Variants in LRBA observed in about 807,000 individuals in gnomAD.
LRBA encodes LPS responsive beige-like anchor protein, also known as lipopolysaccharide-responsive and beige-like anchor protein.
A neutral mutation model predicts 330.0 loss-of-function variants in LRBA; 176 were observed. The observed-to-expected ratio is 0.53, with a 90% CI of 0.47 to 0.60. The LOEUF (loss-of-function observed/expected upper bound fraction) is 0.60. Ranked by LOEUF, LRBA falls within the 20% of genes least tolerant of loss-of-function variation. The probability of loss-of-function intolerance (pLI) is 0.00; values close to 1 mark genes in which losing one functional copy is unlikely to be tolerated. For synonymous variants in LRBA, 1,230 were observed against 1,193.0 expected, an observed-to-expected ratio of 1.03 and a Z score of -0.64; for missense variants, 3,259 against 3,444.8, an observed-to-expected ratio of 0.95 and a Z score of 1.35.
At chr4:150,502,863 G>A (rs376832313) in intron 40 of LRBA, among the ~76,000 whole-genome samples, 17 of 152,350 alleles carry the variant, frequency 1.1e-4, no homozygotes, top group African/African-American at 3.1e-4. Context: ...CTAATACTGC[G>A]CTTTCCCAAC....
intron 47 of LRBA, among the ~76,000 whole-genome samples, chr4:150,406,320 T>C (rs145732823): frequency 6.6e-6 from 1 of 152,292 alleles, no homozygotes; most frequent in East Asian, 1.9e-4. Flanking sequence ...GATTATGCTA[T>C]TGGATGCTAT....
intron 40 of LRBA, among the ~76,000 whole-genome samples, chr4:150,563,567 T>C (rs1344000362): frequency 6.6e-6 from 1 of 152,160 alleles, no homozygotes; most frequent in Non-Finnish European, 1.5e-5. Flanking sequence ...TAAAGCGTAT[T>C]CGAATAGGAA....
At chr4:150,672,863 T>C (rs1041336491) in intron 37 of LRBA, among the ~76,000 whole-genome samples, 3 of 152,202 alleles carry the variant, frequency 2.0e-5, no homozygotes, top group Non-Finnish European at 4.4e-5. Context: ...CAGTAATTCT[T>C]AGTTCCATAA....
At chr4:150,530,306 G>A (rs1031346037) in intron 40 of LRBA, among the ~76,000 whole-genome samples, 2 of 152,136 alleles carry the variant, frequency 1.3e-5, no homozygotes, top group South Asian at 4.1e-4. Context: ...CATCAAGGGA[G>A]TATAGAAAAT....
At chr4:150,799,538 T>C (rs887381612) in intron 33 of LRBA, among the ~76,000 whole-genome samples, 2 of 152,230 alleles carry the variant, frequency 1.3e-5, no homozygotes, top group African/African-American at 4.8e-5. Flanking sequence ...TTCAGATCTT[T>C]CTATTATTAG....
chr4:150,391,215 C>G (rs1218162423), intron 47 of LRBA, among the ~76,000 whole-genome samples: 1 of 152,114 alleles, frequency 6.6e-6, no homozygotes. Context: ...ACAGCAAACC[C>G]TGAATGATGA....
chr4:150,820,007 G>A (rs529051320), intron 30 of LRBA, among the ~76,000 whole-genome samples: 5 of 152,024 alleles, frequency 3.3e-5, no homozygotes, highest in South Asian at 4.2e-4. Flanking sequence ...CCAACCCTTC[G>A]TATATATGCC....
intron 36 of LRBA, among the ~76,000 whole-genome samples, chr4:150,700,243 T>C (rs1299813506): frequency 6.6e-6 from 1 of 152,162 alleles, no homozygotes; most frequent in African/African-American, 2.4e-5. Flanking sequence ...TATTTGTATA[T>C]ATAGTCATGC....
intron 44 of LRBA, among the ~76,000 whole-genome samples, chr4:150,466,286 GA>G (rs140261638): frequency 0.21 from 32,401 of 151,968 alleles, 4,331 homozygotes; most frequent in Non-Finnish European, 0.3. Context: ...GTAAATAAGA[GA>G]ACACACTCTT....
intron 5 of LRBA, among the ~76,000 whole-genome samples, chr4:150,920,615 A>G (rs1733149083): frequency 6.6e-6 from 1 of 152,210 alleles, no homozygotes; most frequent in South Asian, 2.1e-4. Context: ...GAGATTTTAG[A>G]AACTTCCATA....
At chr4:150,700,168 T>C (rs887411976) in intron 36 of LRBA, among the ~76,000 whole-genome samples, 3 of 152,188 alleles carry the variant, frequency 2.0e-5, no homozygotes, top group East Asian at 1.9e-4. Context: ...TTCATATTTA[T>C]TGATATTATT....
At chr4:150,873,823 A>C (rs1217430969) in intron 17 of LRBA, among the ~76,000 whole-genome samples, 1 of 152,176 alleles carries the variant, frequency 6.6e-6, no homozygotes, top group East Asian at 1.9e-4. Flanking sequence ...CTGAACAAAA[A>C]GGAAATATCT....
chr4:150,961,538 T>C (rs2149566211), intron 2 of LRBA, among the ~76,000 whole-genome samples: 1 of 149,164 alleles, frequency 6.7e-6, no homozygotes, highest in South Asian at 2.1e-4. Flanking sequence ...AAACAAAAAA[T>C]ACTATTTTTA....
At chr4:150,561,863 T>C (rs908367621) in intron 40 of LRBA, among the ~76,000 whole-genome samples, 2 of 152,190 alleles carry the variant, frequency 1.3e-5, no homozygotes, top group African/African-American at 4.8e-5. Context: ...CAGGAATCAA[T>C]TCCTGTACTA....
intron 29 of LRBA, among the ~76,000 whole-genome samples, chr4:150,828,989 C>T (rs1157007645): frequency 1.3e-5 from 2 of 148,710 alleles, no homozygotes; most frequent in African/African-American, 5.0e-5. Flanking sequence ...GGCTGAAGTG[C>T]AGTGGTGTGA....
chr4:150,548,813 G>T (rs1172103273), intron 40 of LRBA, among the ~76,000 whole-genome samples: 2 of 152,094 alleles, frequency 1.3e-5, no homozygotes, highest in Admixed American at 6.5e-5. Context: ...CTCAACAATT[G>T]TATGAGGTAG....
intron 2 of LRBA, among the ~76,000 whole-genome samples, chr4:150,980,927 A>G (rs948722240): frequency 1.3e-5 from 2 of 152,142 alleles, no homozygotes; most frequent in African/African-American, 4.8e-5. Flanking sequence ...AAGAATTAAA[A>G]GATCTCTACA....
chr4:150,994,064 CAAA>C (rs538401022), intron 2 of LRBA, among the ~76,000 whole-genome samples: 6 of 82,266 alleles, frequency 7.3e-5, no homozygotes, highest in Admixed American at 1.4e-4. Flanking sequence ...GACTCTGTCT[CAAA>C]AAAAAAAAAA....
chr4:150,654,049 T>C (rs575485932), intron 37 of LRBA, among the ~76,000 whole-genome samples: 24 of 152,342 alleles, frequency 1.6e-4, no homozygotes, highest in African/African-American at 5.5e-4. Context: ...TTTGCCTCTA[T>C]GTAGTATATA....
Sources: gnomAD v4.1 joint callset for allele counts (sites outside exome capture counted in the v4.1 genomes callset) on GRCh38, gnomAD v4.1.1 for gene constraint, MANE v1.5 for transcripts, NCBI Gene and HGNC (gene_info 2026-07-23, HGNC 2026-07-21) for gene names.